DENND5B: variants seen among roughly 807,000 people sequenced by gnomAD.
DENND5B encodes DENN domain containing 5B.
A neutral mutation model predicts 140.6 loss-of-function variants in DENND5B; 34 were observed. The observed-to-expected ratio is 0.24, with a 90% CI of 0.18 to 0.32. DENND5B has a LOEUF of 0.32. DENND5B is among the 10% of genes least tolerant of loss of function. DENND5B has a pLI of 1.00. For missense variants in DENND5B, 1,142 were observed against 1,560.2 expected, an observed-to-expected ratio of 0.73 and a Z score of 4.52; for synonymous variants, 551 against 562.1, an observed-to-expected ratio of 0.98 and a Z score of 0.28.
At chr12:31,574,209 G>A (rs1949921720) in intron 1 of DENND5B, among the ~76,000 whole-genome samples, 1 of 151,120 alleles carries the variant, frequency 6.6e-6, no homozygotes, top group Non-Finnish European at 1.5e-5. Context: ...GCTGCAGTGA[G>A]CTGTGATCGC....
At chr12:31,446,744 A>G (rs1944291158) in intron 6 of DENND5B, among the ~76,000 whole-genome samples, 1 of 151,690 alleles carries the variant, frequency 6.6e-6, no homozygotes, top group Admixed American at 6.6e-5. Context: ...AAATTCAAAA[A>G]ATTAGCCGGG....
At chr12:31,464,054 CTTT>C (rs1945146571) in intron 3 of DENND5B, among the ~76,000 whole-genome samples, 2 of 152,122 alleles carry the variant, frequency 1.3e-5, no homozygotes, top group African/African-American at 2.4e-5. Flanking sequence ...GAGTTTTCTT[CTTT>C]AAGCATTTTT....
In DENND5B at chr12:31,451,104, C is replaced by T. The variant is rs563160828; in HGVS notation, c.1629+836G>A. Among the ~76,000 whole-genome samples, 40 of 152,164 alleles carry T rather than the reference C, an allele frequency of 2.6e-4. 1 individual carries two copies. The highest frequency in any genetic ancestry group is 8.9e-4 in the African/African-American group (37 of 41,518). On this transcript the variant is annotated intron_variant, in intron 5 of 20. Transcript: ENST00000389082. ...AGATAGAGAAATTTGGCTTCTGAAA[C>T]CAAACTGTTAACTTTACATGGACAA...
chr12:31,448,662 A>C (rs1481312313), intron 5 of DENND5B, among the ~76,000 whole-genome samples: 1 of 152,146 alleles, frequency 6.6e-6, no homozygotes, highest in Non-Finnish European at 1.5e-5. Flanking sequence ...GCCAAGGAAA[A>C]ATTCCTTCCA....
intron 14 of DENND5B, among the ~76,000 whole-genome samples, chr12:31,404,090 T>C (rs1321440206): frequency 6.6e-6 from 1 of 151,482 alleles, no homozygotes. Flanking sequence ...CCAGGTCTGG[T>C]GGTACACACT....
intron 1 of DENND5B, among the ~76,000 whole-genome samples, chr12:31,563,151 T>A (rs1949531666): frequency 6.6e-6 from 1 of 152,108 alleles, no homozygotes; most frequent in African/African-American, 2.4e-5. Context: ...TTTTTCACCT[T>A]GCAAAGCCAA....
At chr12:31,483,204 C>T (rs1946137206) in intron 2 of DENND5B, among the ~76,000 whole-genome samples, 1 of 152,194 alleles carries the variant, frequency 6.6e-6, no homozygotes, top group African/African-American at 2.4e-5. Context: ...AAGTGGAGCT[C>T]ACTCTCCTTG....
At chr12:31,499,570 A>T in intron 1 of DENND5B, 1 of 1,438,184 alleles carries the variant, frequency 7.0e-7, no homozygotes, top group Non-Finnish European at 9.1e-7. Context: ...ATAATGATTT[A>T]TAATAGCCCA....
At chr12:31,392,959 C>T (rs955128650) in intron 17 of DENND5B, among the ~76,000 whole-genome samples, 1 of 152,206 alleles carries the variant, frequency 6.6e-6, no homozygotes, top group East Asian at 1.9e-4. Context: ...GTCTAACTTC[C>T]TCTGAGCTTT....
chr12:31,581,034 G>A (rs1454234219), intron 1 of DENND5B, among the ~76,000 whole-genome samples: 1 of 152,190 alleles, frequency 6.6e-6, no homozygotes, highest in African/African-American at 2.4e-5. Flanking sequence ...GAGCCTAGGA[G>A]GTTGAGGCTG....
intron 6 of DENND5B, among the ~76,000 whole-genome samples, chr12:31,443,589 C>T (rs1023085226): frequency 6.6e-6 from 1 of 151,958 alleles, no homozygotes; most frequent in Non-Finnish European, 1.5e-5. Context: ...GTTCTAAGTA[C>T]AACATTAAAG....
chr12:31,447,497 T>C (rs2138054194), intron 6 of DENND5B, 41 bp downstream of exon 6: 2 of 1,541,596 alleles, frequency 1.3e-6, no homozygotes, highest in East Asian at 2.3e-5. Flanking sequence ...AAAAAAGCGA[T>C]AATGGATTTT....
intron 4 of DENND5B, among the ~76,000 whole-genome samples, chr12:31,455,444 T>C (rs1372605296): frequency 6.6e-6 from 1 of 152,134 alleles, no homozygotes; most frequent in Non-Finnish European, 1.5e-5. Context: ...GCTTTGATTA[T>C]CTCAAAGTAG....
At chr12:31,418,583 C>A (rs1942877785) in intron 11 of DENND5B, among the ~76,000 whole-genome samples, 1 of 151,700 alleles carries the variant, frequency 6.6e-6, no homozygotes, top group Non-Finnish European at 1.5e-5. Context: ...CATGAGCCAT[C>A]ACACCCGGCC....
intron 1 of DENND5B, among the ~76,000 whole-genome samples, chr12:31,552,082 C>G (rs1453214401): frequency 6.6e-6 from 1 of 152,132 alleles, no homozygotes; most frequent in African/African-American, 2.4e-5. Flanking sequence ...ATTGCCCTGG[C>G]CAGAACTTCC....
At chr12:31,587,219 C>T (rs1208389565) in intron 1 of DENND5B, among the ~76,000 whole-genome samples, 2 of 152,206 alleles carry the variant, frequency 1.3e-5, no homozygotes, top group Non-Finnish European at 2.9e-5. Context: ...GATGTCTTGT[C>T]TATGTGACAT....
intron 1 of DENND5B, among the ~76,000 whole-genome samples, chr12:31,541,824 A>G (rs932582082): frequency 6.6e-6 from 1 of 152,224 alleles, no homozygotes; most frequent in African/African-American, 2.4e-5. Flanking sequence ...ATGAATGGAT[A>G]AAGAAAATGT....
In DENND5B at chr12:31,530,055, A is replaced by G. The variant is rs927166190; in HGVS notation, c.128-34136T>C. On this transcript the variant is annotated intron_variant, in intron 1 of 20. Transcript: ENST00000389082. Reference sequence around the variant, plus strand: ...CTAAATGAAAATATACTAGTCACATATCTAAAGAGGAGCAACATTTAAAAA... The same window carrying G: ...CTAAATGAAAATATACTAGTCACATGTCTAAAGAGGAGCAACATTTAAAAA... Among the ~76,000 whole-genome samples, 7 of 152,316 alleles carry G rather than the reference A, an allele frequency of 4.6e-5. No homozygotes were observed. In the East Asian group the frequency reaches 1.4e-3, roughly 29 times the overall value.
At chr12:31,556,794 T>C (rs1949300763) in intron 1 of DENND5B, among the ~76,000 whole-genome samples, 1 of 152,232 alleles carries the variant, frequency 6.6e-6, no homozygotes. Flanking sequence ...CCGAACTGTT[T>C]ATATTCCTTC....
Sources: allele counts gnomAD v4.1 joint callset (sites outside exome capture counted in the v4.1 genomes callset), GRCh38; gene constraint gnomAD v4.1.1; transcripts MANE v1.5; gene names NCBI Gene and HGNC (gene_info 2026-07-23, HGNC 2026-07-21).